Variants in PPFIBP1 observed in about 807,000 individuals in gnomAD.
The protein encoded by PPFIBP1 is PPFIB scaffold protein 1.
A neutral mutation model predicts 137.8 loss-of-function variants in PPFIBP1; 112 were observed. The observed-to-expected ratio is 0.81, with a 90% CI of 0.70 to 0.95. The LOEUF (loss-of-function observed/expected upper bound fraction) is 0.95, where lower values mean the gene tolerates loss of function less well. Ranked by LOEUF, PPFIBP1 falls within the 40% of genes least tolerant of loss-of-function variation. PPFIBP1 has a pLI of 0.00. For missense variants in PPFIBP1, 1,083 were observed against 1,196.6 expected (o/e 0.91, Z 1.40); for synonymous variants, 378 against 417.3 (o/e 0.91, Z 1.15).
chr12:27,679,936 T>C lies in PPFIBP1; in HGVS notation c.1770T>C (p.Leu590=), dbSNP rs1401966083. The part of the protein sequence containing the change: ...SRGIMKLFGK[L]RRSQSTTFNP... ...CCATGTGTGTTGTCTTCTTTAGACT[T>C]AGGAGAAGTCAATCAACTACATTCA... Residue 590 remains leucine, a synonymous_variant, in exon 21 of 30, where the codon CTT becomes CTC. Coordinates refer to ENST00000228425, the MANE Select transcript of PPFIBP1 (RefSeq NM_003622.4). The C allele has an allele frequency of 2.5e-6, 4 of 1,614,102 alleles. No individual in the cohort carries two copies. Among genetic ancestry groups the C allele is most frequent in the Non-Finnish European group, 3.4e-6 (4 of 1,179,976 alleles).
intron 2 of PPFIBP1, among the ~76,000 whole-genome samples, chr12:27,596,544 CAG>C (rs1202117877): frequency 1.3e-5 from 2 of 152,038 alleles, no homozygotes; most frequent in Non-Finnish European, 2.9e-5. Context: ...TTTTTAGAGA[CAG>C]GGTCTCACTC....
rs201231702 is a variant in PPFIBP1, at chr12:27,659,308, A to T, written c.844+460A>T. On this transcript the variant is annotated intron_variant, in intron 10 of 29. Transcript: ENST00000228425. ...TGAACATATTCTGTTGTTACAACAG[A>T]GATTGAATCCAGCTGATTCATGGAG... 3.3e-5 allele frequency among the ~76,000 whole-genome samples: 5 copies of T among 152,342 alleles called. No homozygotes were observed. In the East Asian group the frequency reaches 7.7e-4, roughly 24 times the overall value.
At chr12:27,682,793 G>A (rs1265774834) in intron 24 of PPFIBP1, 90 bp downstream of exon 24, 2 of 1,588,280 alleles carry the variant, frequency 1.3e-6, no homozygotes, top group Non-Finnish European at 1.7e-6. Context: ...AGTGTTTTCA[G>A]TGATTCCACC....
At chr12:27,604,493 G>T (rs1404515681) in intron 2 of PPFIBP1, among the ~76,000 whole-genome samples, 1 of 152,132 alleles carries the variant, frequency 6.6e-6, no homozygotes, top group Non-Finnish European at 1.5e-5. Flanking sequence ...ACCTGCCTGT[G>T]GGCCAAAACC....
intron 11 of PPFIBP1, among the ~76,000 whole-genome samples, chr12:27,662,550 G>C (rs1215026976): frequency 6.6e-6 from 1 of 152,194 alleles, no homozygotes; most frequent in African/African-American, 2.4e-5. Flanking sequence ...AGAGCTTTTA[G>C]AGAAATTTAC....
At chr12:27,635,510 A>G (rs1458697243) in intron 4 of PPFIBP1, 2 of 258,512 alleles carry the variant, frequency 7.7e-6, no homozygotes, top group African/African-American at 4.4e-5. Context: ...ATGATGAAAG[A>G]CTTTCAAAAA....
intron 2 of PPFIBP1, among the ~76,000 whole-genome samples, chr12:27,615,432 C>T (rs1042223988): frequency 6.6e-6 from 1 of 151,996 alleles, no homozygotes; most frequent in African/African-American, 2.4e-5. Context: ...TGTTGGATTC[C>T]AAGATAAAAA....
rs2060365124 is a variant in PPFIBP1 at position 27,674,217 on chromosome 12, C to T, written c.1406C>T (p.Ser469Leu). 2 of 1,592,540 alleles carry T rather than the reference C, an allele frequency of 1.3e-6. No homozygotes were observed. The highest frequency in any genetic ancestry group is 1.7e-4 in the Middle Eastern group (1 of 5,998). The change falls in exon 17 of 30, where the codon TCA (serine) becomes TTA (leucine). Residue 469 changes from serine (S) to leucine (L), a missense_variant. Ser to Leu is a moderately radical substitution (Grantham distance 145). Transcript: ENST00000228425. ...GAAAAGGAAACTATTCAGAAGACTTCAGAGGTAACTTTTTGTCCAAATTAC... is the reference window on the plus strand; with the variant it reads ...GAAAAGGAAACTATTCAGAAGACTTTAGAGGTAACTTTTTGTCCAAATTAC... ...DGEKETIQKTSEDRAPAESRP... is the reference protein window; with the variant it reads ...DGEKETIQKTLEDRAPAESRP...
chr12:27,682,572 G>C lies in PPFIBP1; in HGVS notation c.2159-43G>C, dbSNP rs1418469688. On this transcript the variant is annotated intron_variant, in intron 23 of 29. Transcript: ENST00000228425. ...CTTTTTCTTTTTAATCACAAGAACAGATGTTTTGTGGCATGGTAGCAACAC... is the reference window on the plus strand; with the variant it reads ...CTTTTTCTTTTTAATCACAAGAACACATGTTTTGTGGCATGGTAGCAACAC... 6 of 1,609,954 alleles carry C rather than the reference G, an allele frequency of 3.7e-6. No individual in the cohort carries two copies. In the South Asian group the frequency reaches 4.4e-5, roughly 12 times the overall value.
At chr12:27,619,583 T>G (rs968123610) in intron 2 of PPFIBP1, among the ~76,000 whole-genome samples, 1 of 152,204 alleles carries the variant, frequency 6.6e-6, no homozygotes, top group African/African-American at 2.4e-5. Context: ...ACTCAGAAGT[T>G]GAGAGTGGGC....
At chr12:27,688,266 A>T in intron 25 of PPFIBP1, 32 bp from the exon 26 acceptor site, 1 of 1,607,186 alleles carries the variant, frequency 6.2e-7, no homozygotes, top group East Asian at 2.2e-5. Flanking sequence ...ATGCAATTTA[A>T]TATTTAGGAT....
At chr12:27,570,693 G>A (rs770173415) in intron 1 of PPFIBP1, among the ~76,000 whole-genome samples, 5 of 152,190 alleles carry the variant, frequency 3.3e-5, no homozygotes, top group Admixed American at 2.0e-4. Flanking sequence ...GGCAGATCAT[G>A]AGGTCCGGAG....
chr12:27,586,335 T>C (rs2051747096), intron 2 of PPFIBP1, among the ~76,000 whole-genome samples: 1 of 152,224 alleles, frequency 6.6e-6, no homozygotes, highest in South Asian at 2.1e-4. Flanking sequence ...TATATATGAA[T>C]ATGTGCATTA....
In PPFIBP1 at chr12:27,667,320, G is replaced by A. The variant is rs2059916709; in HGVS notation, c.1146G>A (p.Glu382=). Residue 382 remains glutamate (E), a splice_region_variant and synonymous_variant, in exon 13 of 30, where the codon GAG becomes GAA. Transcript: ENST00000228425. ...CDPFNTSVPE[E]FHTTILQVSI... Reference sequence around the variant, plus strand: ...CATTTAACACAAGTGTTCCCGAAGAGGTATTAATAGACTTTCAGTATTTCC... The same window carrying A: ...CATTTAACACAAGTGTTCCCGAAGAAGTATTAATAGACTTTCAGTATTTCC... 6.3e-7 allele frequency: 1 copy of A among 1,588,002 alleles called. No individual in the cohort carries two copies. Among genetic ancestry groups the A allele is most frequent in the Non-Finnish European group, 8.6e-7 (1 of 1,168,584 alleles).
rs551465279 is a variant in PPFIBP1 at position 27,653,324 on chromosome 12, A to T, written c.604-1398A>T. Among the ~76,000 whole-genome samples, 3 of 152,258 alleles carry T rather than the reference A, an allele frequency of 2.0e-5. No individual in the cohort carries two copies. The East Asian group carries it at 5.8e-4, about 29-fold the overall frequency. On this transcript the variant is annotated intron_variant, in intron 7 of 29. Transcript: ENST00000228425. ...AAGCTGGCCGGGCACAGTGGCTCACATCTGTAATCCCAACACTTAGGGAGT... is the reference window on the plus strand; with the variant it reads ...AAGCTGGCCGGGCACAGTGGCTCACTTCTGTAATCCCAACACTTAGGGAGT...
intron 1 of PPFIBP1, among the ~76,000 whole-genome samples, chr12:27,572,366 A>G (rs571082674): frequency 6.6e-6 from 1 of 152,198 alleles, no homozygotes; most frequent in African/African-American, 2.4e-5. Context: ...ACTTTATGGC[A>G]GACTTTAATC....
chr12:27,654,879 A>G, intron 8 of PPFIBP1, 65 bp downstream of exon 8: 2 of 1,517,324 alleles, frequency 1.3e-6, no homozygotes, highest in African/African-American at 1.4e-5. Context: ...ATGCCCAATA[A>G]TATAAATAAG....
At position 27,647,857 on chromosome 12, in the gene PPFIBP1, C is replaced by T. The variant is rs373346522; in HGVS notation, c.471+15C>T. 30 of 1,601,780 alleles carry T rather than the reference C, an allele frequency of 1.9e-5. No homozygotes were observed. The highest frequency in any genetic ancestry group is 2.6e-5 in the Non-Finnish European group (30 of 1,174,994). ...TGCTGCAGCAGGTATGTGCAGAGGC[C>T]AGAACCAAGATGGGATTTCCCTGCT... On this transcript the variant is annotated intron_variant, in intron 6 of 29. Transcript: ENST00000228425.
chr12:27,592,571 G>A (rs1446037396), intron 2 of PPFIBP1: 19 of 1,442,364 alleles, frequency 1.3e-5, no homozygotes, highest in Non-Finnish European at 1.7e-5. Flanking sequence ...TTCACAGGAT[G>A]ATACCTCCTC....
Sources: allele counts gnomAD v4.1 joint callset (sites outside exome capture counted in the v4.1 genomes callset), GRCh38; gene constraint gnomAD v4.1.1; transcripts MANE v1.5; gene names NCBI Gene and HGNC (gene_info 2026-07-23, HGNC 2026-07-21).